RGPD3: variants seen among roughly 807,000 people sequenced by gnomAD.
The protein encoded by RGPD3 is RANBP2 like and GRIP domain containing 3, also known as ranBP2-like and GRIP domain-containing protein 3.
A neutral mutation model predicts 154.5 loss-of-function variants in RGPD3; 62 were observed. The observed-to-expected ratio is 0.40, with a 90% CI of 0.33 to 0.50. The LOEUF is 0.50. Ranked by LOEUF, RGPD3 falls within the 20% of genes least tolerant of loss-of-function variation. RGPD3 has a pLI of 0.59. For synonymous variants in RGPD3, 308 were observed against 607.0 expected, an observed-to-expected ratio of 0.51 and a Z score of 7.24; for missense variants, 919 against 1,716.8, an observed-to-expected ratio of 0.54 and a Z score of 8.21.
chr2:106,467,027 C>T (rs1242795823), intron 1 of RGPD3, among the ~76,000 whole-genome samples: 4 of 126,676 alleles, frequency 3.2e-5, no homozygotes, highest in African/African-American at 1.1e-4. Flanking sequence ...CCGCCGCCGC[C>T]TCAACAGAGC....
At chr2:106,418,730 GATA>G (rs1252195814) in intron 20 of RGPD3, among the ~76,000 whole-genome samples, 1 of 148,416 alleles carries the variant, frequency 6.7e-6, no homozygotes, top group African/African-American at 2.5e-5. Flanking sequence ...ATCCCGCCCA[GATA>G]ATTTTTGTAC....
intron 6 of RGPD3, among the ~76,000 whole-genome samples, chr2:106,448,766 C>G (rs1410630305): frequency 6.6e-6 from 1 of 152,028 alleles, no homozygotes; most frequent in African/African-American, 2.4e-5. Flanking sequence ...TCTTGGCTTA[C>G]TGCAACCTCT....
chr2:106,412,055 G>A (rs1405311685), intron 22 of RGPD3, among the ~76,000 whole-genome samples: 4 of 147,188 alleles, frequency 2.7e-5, no homozygotes, highest in Admixed American at 7.0e-5. Context: ...GATTGTCCAT[G>A]AGTTGAAAAC....
At chr2:106,465,909 G>A (rs1306840156) in intron 1 of RGPD3, among the ~76,000 whole-genome samples, 1 of 151,814 alleles carries the variant, frequency 6.6e-6, no homozygotes, top group Non-Finnish European at 1.5e-5. Flanking sequence ...GCAAATGTCC[G>A]CGCTGAGATG....
At chr2:106,415,631 C>G (rs1258762800) in intron 21 of RGPD3, among the ~76,000 whole-genome samples, 1 of 122,158 alleles carries the variant, frequency 8.2e-6, no homozygotes, top group Non-Finnish European at 1.6e-5. Flanking sequence ...GAGCCGGGAT[C>G]GTGCCACTGC....
Position 106,415,977 on chromosome 2 carries a change from C to A in RGPD3, c.4937G>T (p.Trp1646Leu). 1 of 1,611,702 alleles carries A rather than the reference C, an allele frequency of 6.2e-7. No homozygotes were observed. The highest frequency in any genetic ancestry group is 1.1e-5 in the South Asian group (1 of 90,972). ...FKTPEKEPPL[W>L]YAEFTKEELV... is the part of the protein sequence containing the mutation. Reference sequence around the variant, plus strand: ...TTCTTCTTTAGTAAATTCAGCATACCATAATGGAGGCTCTGCAACATGTTG... The same window carrying A: ...TTCTTCTTTAGTAAATTCAGCATACAATAATGGAGGCTCTGCAACATGTTG... Residue 1646 changes from tryptophan to leucine, a missense_variant, in exon 21 of 23, where the codon TGG (tryptophan) becomes TTG (leucine). Trp to Leu is a moderately conservative substitution (Grantham distance 61, BLOSUM62 -2). Transcript: ENST00000409886.
intron 17 of RGPD3, among the ~76,000 whole-genome samples, chr2:106,430,471 G>A (rs915202687): frequency 2.0e-5 from 3 of 146,852 alleles, no homozygotes; most frequent in Non-Finnish European, 4.5e-5. Flanking sequence ...AACTTTCACA[G>A]TCCTCTAACA....
At chr2:106,414,318 T>A (rs555810554) in intron 21 of RGPD3, among the ~76,000 whole-genome samples, 1 of 152,258 alleles carries the variant, frequency 6.6e-6, no homozygotes, top group East Asian at 1.9e-4. Context: ...GAAGAGAGTA[T>A]AAATTTATGA....
intron 20 of RGPD3, 133 bp downstream of exon 20, chr2:106,422,910 T>C (rs1677040012): frequency 4.4e-6 from 7 of 1,575,196 alleles, no homozygotes; most frequent in Non-Finnish European, 6.0e-6. Context: ...GAGAAAAAAA[T>C]TGCTCAAATA....
In RGPD3 at chr2:106,415,953, T is replaced by A; in HGVS notation, c.4961A>T (p.Glu1654Val). The change falls in exon 21 of 23, where the codon GAA (glutamate) becomes GTA (valine). Residue 1654 changes from glutamate (E) to valine (V), a missense_variant. By Grantham distance (121) the Glu-to-Val change is moderately radical. Transcript: ENST00000409886. ...PLWYAEFTKE[E>V]LVQKLSSTTK... is the part of the protein sequence containing the mutation. The stretch of plus-strand genomic sequence containing the variant: ...GGTGGAACTGAGCTTCTGAACCAAT[T>A]CTTCTTTAGTAAATTCAGCATACCA... The A allele has an allele frequency of 6.2e-7, 1 of 1,611,700 alleles. No homozygotes were observed. Among genetic ancestry groups the A allele is most frequent in the Admixed American group, 1.7e-5 (1 of 59,972 alleles).
intron 1 of RGPD3, among the ~76,000 whole-genome samples, chr2:106,468,007 C>G (rs1395910438): frequency 7.1e-6 from 1 of 140,332 alleles, no homozygotes; most frequent in East Asian, 2.2e-4. Flanking sequence ...CAACAGAGCG[C>G]GCCAGGGAGC....
At chr2:106,447,690 A>G (rs1677976440) in intron 6 of RGPD3, 77 bp from the exon 7 acceptor site, 1 of 98,374 alleles carries the variant, frequency 1.0e-5, no homozygotes, top group African/African-American at 4.0e-5. Context: ...AATTCAAAAC[A>G]AAATAAAAAT....
At chr2:106,465,704 C>G (rs1678552090) in intron 1 of RGPD3, among the ~76,000 whole-genome samples, 1 of 151,276 alleles carries the variant, frequency 6.6e-6, no homozygotes, top group African/African-American at 2.4e-5. Flanking sequence ...GCAAGCCATA[C>G]TAACGATTTG....
chr2:106,461,599 C>T (rs930092604), intron 1 of RGPD3, among the ~76,000 whole-genome samples: 2 of 151,050 alleles, frequency 1.3e-5, no homozygotes, highest in African/African-American at 4.9e-5. Context: ...GTAAGTAAAA[C>T]CACGTAAGGC....
At chr2:106,435,995 TA>T in intron 12 of RGPD3, 127 bp downstream of exon 12, 1 of 1,124,856 alleles carries the variant, frequency 8.9e-7, no homozygotes, top group Non-Finnish European at 1.2e-6. Flanking sequence ...TTTGCAGCAA[TA>T]AAAAACACAT....
chr2:106,469,149 C>T (rs1191005710), upstream of RGPD3, among the ~76,000 whole-genome samples: 1 of 130,172 alleles, frequency 7.7e-6, no homozygotes, highest in Non-Finnish European at 1.6e-5. Flanking sequence ...ACAATCAAGA[C>T]TAAGATGTAT....
chr2:106,416,107 C>G lies in RGPD3; in HGVS notation c.4925-118G>C, dbSNP rs977092650. On this transcript the variant is annotated intron_variant, in intron 20 of 22. Coordinates refer to ENST00000409886, the MANE Select transcript of RGPD3 (RefSeq NM_001144013.2). ...ATGTGATATTTTATAGCTCTGCTTT[C>G]TTTGCCATTCATCTATTCGGCATAC... 1.7e-5 allele frequency: 25 copies of G among 1,493,582 alleles called. No homozygotes were observed. In the African/African-American group the frequency reaches 2.3e-4, roughly 14 times the overall value. 92.5% of individuals were successfully genotyped at this position (1,493,582 alleles called of 1,614,324 possible).
chr2:106,424,520 T>C lies in RGPD3; in HGVS notation c.3447A>G (p.Ala1149=), dbSNP rs1187028003. The C allele has an allele frequency of 6.2e-7, 1 of 1,606,568 alleles. No individual in the cohort carries two copies. The highest frequency in any genetic ancestry group is 8.5e-7 in the Non-Finnish European group (1 of 1,179,144). Residue 1149 remains alanine (A), a synonymous_variant, in exon 20 of 23, where the codon GCA becomes GCG. Transcript: ENST00000409886. ...DGDAKLERLA[A]KFKTPELAEE... is the part of the protein sequence containing the mutation. ...CAGCCAGCTCTGGTGTTTTAAATTT[T>C]GCTGCCAATCGCTCTAGTTTGGCAT...
chr2:106,412,585 G>A (rs1676709997), intron 22 of RGPD3, among the ~76,000 whole-genome samples: 1 of 151,552 alleles, frequency 6.6e-6, no homozygotes, highest in African/African-American at 2.4e-5. Flanking sequence ...TGGGATTATA[G>A]GTGTGAACCA....
Sources: gnomAD v4.1 joint callset for allele counts (sites outside exome capture counted in the v4.1 genomes callset) on GRCh38, gnomAD v4.1.1 for gene constraint, MANE v1.5 for transcripts, NCBI Gene and HGNC (gene_info 2026-07-23, HGNC 2026-07-21) for gene names.